The following GNA14 variants were observed in gnomAD, a reference collection of about 807,000 sequenced individuals.
The protein encoded by GNA14 is G protein subunit alpha 14, also known as guanine nucleotide-binding protein subunit alpha-14.
A neutral mutation model predicts 42.0 loss-of-function variants in GNA14; 50 were observed. The ratio of observed to expected loss-of-function variants is 1.19; its 90% confidence interval spans 0.95 to 1.51. The LOEUF (loss-of-function observed/expected upper bound fraction) is 1.51. GNA14 is among the 40% of genes most tolerant of loss of function. The pLI is 0.00. For missense variants in GNA14, 473 were observed against 446.2 expected, an observed-to-expected ratio of 1.06 and a Z score of -0.54; for synonymous variants, 173 against 163.1, an observed-to-expected ratio of 1.06 and a Z score of -0.46.
intron 2 of GNA14, chr9:77,517,536 C>T (rs1403474249): frequency 6.8e-6 from 1 of 146,492 alleles, no homozygotes; most frequent in Non-Finnish European, 1.5e-5. Flanking sequence ...TTCTTCACTG[C>T]AAGTCTGTGT....
intron 1 of GNA14, among the ~76,000 whole-genome samples, chr9:77,609,474 C>T (rs189773476): frequency 0.01 from 1,580 of 152,306 alleles, 19 homozygotes; most frequent in Non-Finnish European, 0.017. Flanking sequence ...AAAACTCTTC[C>T]ATGCTCTACC....
chr9:77,593,057 G>C (rs999729012), intron 1 of GNA14, among the ~76,000 whole-genome samples: 1 of 152,034 alleles, frequency 6.6e-6, no homozygotes, highest in Non-Finnish European at 1.5e-5. Flanking sequence ...GGTCTACTGT[G>C]GGGGAGAAGG....
chr9:77,547,140 A>G (rs1032117108), intron 1 of GNA14, among the ~76,000 whole-genome samples: 1 of 152,190 alleles, frequency 6.6e-6, no homozygotes, highest in Non-Finnish European at 1.5e-5. Flanking sequence ...TGTGTTTCTT[A>G]CATTGGGAGG....
At chr9:77,570,630 T>A (rs1385652799) in intron 1 of GNA14, among the ~76,000 whole-genome samples, 1 of 152,232 alleles carries the variant, frequency 6.6e-6, no homozygotes, top group Admixed American at 6.5e-5. Context: ...TTTGTTTATT[T>A]TTTCATCAGA....
At chr9:77,500,418 T>A (rs1394138967) in intron 2 of GNA14, among the ~76,000 whole-genome samples, 1 of 152,188 alleles carries the variant, frequency 6.6e-6, no homozygotes, top group Admixed American at 6.5e-5. Context: ...CATGAGGTTG[T>A]AAAAAAATAG....
At chr9:77,643,320 A>G in intron 1 of GNA14, among the ~76,000 whole-genome samples, 1 of 150,838 alleles carries the variant, frequency 6.6e-6, no homozygotes, top group South Asian at 2.1e-4. Flanking sequence ...GCTCACTGCA[A>G]CCTCCACCTC....
chr9:77,594,384 G>A (rs71511429), intron 1 of GNA14, among the ~76,000 whole-genome samples: 25 of 152,164 alleles, frequency 1.6e-4, no homozygotes, highest in African/African-American at 5.3e-4. Flanking sequence ...CATCGGCTCC[G>A]AGTGTGGAAG....
At chr9:77,639,230 G>A (rs1824222653) in intron 1 of GNA14, among the ~76,000 whole-genome samples, 2 of 152,166 alleles carry the variant, frequency 1.3e-5, no homozygotes, top group Non-Finnish European at 2.9e-5. Flanking sequence ...CTTTCCCTAT[G>A]GTAGAAAGCT....
At chr9:77,438,567 CG>C in intron 2 of GNA14, among the ~76,000 whole-genome samples, 1 of 151,882 alleles carries the variant, frequency 6.6e-6, no homozygotes, top group African/African-American at 2.4e-5. Context: ...CACGCCTAGC[CG>C]ATTTTTTTTT....
chr9:77,554,443 A>G (rs994646844), intron 1 of GNA14, among the ~76,000 whole-genome samples: 1 of 152,212 alleles, frequency 6.6e-6, no homozygotes, highest in Non-Finnish European at 1.5e-5. Flanking sequence ...ATTTTTGTTA[A>G]AAGTTTTTTT....
chr9:77,502,952 C>T (rs570172367), intron 2 of GNA14, among the ~76,000 whole-genome samples: 2 of 152,134 alleles, frequency 1.3e-5, no homozygotes, highest in South Asian at 4.2e-4. Context: ...TGTCTGTGCC[C>T]CTTGCTGTTT....
intron 2 of GNA14, among the ~76,000 whole-genome samples, chr9:77,485,276 C>G (rs1399511415): frequency 6.6e-6 from 1 of 152,178 alleles, no homozygotes; most frequent in Admixed American, 6.5e-5. Flanking sequence ...AAATCACTTT[C>G]TTTGCTCATC....
At chr9:77,623,415 A>C (rs976181775) in intron 1 of GNA14, among the ~76,000 whole-genome samples, 1 of 152,064 alleles carries the variant, frequency 6.6e-6, no homozygotes, top group African/African-American at 2.4e-5. Flanking sequence ...TGTAAGCCCC[A>C]TAAAGGAGAA....
chr9:77,644,257 C>T (rs959506167), intron 1 of GNA14, among the ~76,000 whole-genome samples: 1 of 151,464 alleles, frequency 6.6e-6, no homozygotes, highest in Non-Finnish European at 1.5e-5. Flanking sequence ...TTGAGCCCAG[C>T]GATCATTTGA....
intron 2 of GNA14, among the ~76,000 whole-genome samples, chr9:77,450,270 C>T (rs1835882801): frequency 6.6e-6 from 1 of 152,136 alleles, no homozygotes; most frequent in East Asian, 1.9e-4. Flanking sequence ...CTACACACTT[C>T]TGTTCCCTGG....
intron 2 of GNA14, 129 bp from the exon 3 acceptor site, chr9:77,434,651 A>G: frequency 1.4e-6 from 1 of 734,442 alleles, no homozygotes; most frequent in Non-Finnish European, 2.2e-6. Context: ...CGTGGTGGGC[A>G]CCCTCCCAGG....
At chr9:77,579,908 G>A (rs1170723389) in intron 1 of GNA14, among the ~76,000 whole-genome samples, 1 of 152,202 alleles carries the variant, frequency 6.6e-6, no homozygotes, top group East Asian at 1.9e-4. Flanking sequence ...CCTCTTGGGA[G>A]CACACTTGAA....
intron 2 of GNA14, among the ~76,000 whole-genome samples, chr9:77,501,926 G>C (rs1010033652): frequency 6.6e-6 from 1 of 151,766 alleles, no homozygotes; most frequent in Non-Finnish European, 1.5e-5. Flanking sequence ...GGCCAGGATG[G>C]TCGATCTCTT....
At chr9:77,481,553 T>G (rs1475514316) in intron 2 of GNA14, among the ~76,000 whole-genome samples, 1 of 152,206 alleles carries the variant, frequency 6.6e-6, no homozygotes, top group Non-Finnish European at 1.5e-5. Context: ...GTTCTGTAGA[T>G]GTCTATTAGG....
Sources: allele counts gnomAD v4.1 joint callset (sites outside exome capture counted in the v4.1 genomes callset), GRCh38; gene constraint gnomAD v4.1.1; transcripts MANE v1.5; gene names NCBI Gene and HGNC (gene_info 2026-07-23, HGNC 2026-07-21).